The following AGA variants were observed in gnomAD, a reference collection of about 807,000 sequenced individuals.
AGA encodes the protein aspartylglucosaminidase, also known as N(4)-(beta-N-acetylglucosaminyl)-L-asparaginase.
In AGA, 31 loss-of-function variants were observed where a neutral mutation model predicts 40.1. That is an observed-to-expected ratio of 0.77 (90% CI 0.58 to 1.04). The LOEUF is 1.04. Among genes scored for constraint, AGA ranks in the 50% least tolerant of loss-of-function variants. The pLI is 0.00. For synonymous variants in AGA, 148 were observed against 144.0 expected, an observed-to-expected ratio of 1.03 and a Z score of -0.20; for missense variants, 445 against 435.4, an observed-to-expected ratio of 1.02 and a Z score of -0.20.
intron 2 of AGA, 111 bp from the exon 3 acceptor site, chr4:177,439,799 T>A: frequency 1.2e-6 from 1 of 831,918 alleles, no homozygotes; most frequent in Non-Finnish European, 2.1e-6. Flanking sequence ...TCCACCATCT[T>A]AACACAGAAG....
At chr4:177,434,163 T>G (rs1489869823) in intron 7 of AGA, among the ~76,000 whole-genome samples, 1 of 151,870 alleles carries the variant, frequency 6.6e-6, no homozygotes, top group Non-Finnish European at 1.5e-5. Flanking sequence ...CCAGCTAAAT[T>G]TTTTGTATTT....
chr4:177,431,490 C>T lies in AGA; in HGVS notation c.*218G>A, dbSNP rs1312774426. On this transcript the variant is annotated 3_prime_UTR_variant, in exon 9 of 9. Transcript: ENST00000264595. ...CTTAAATATATACAAAATACAGCCACATACATATTCATCTTCAGATAATAT... is the reference window on the plus strand; with the variant it reads ...CTTAAATATATACAAAATACAGCCATATACATATTCATCTTCAGATAATAT... The T allele has an allele frequency of 3.3e-6, 2 of 602,608 alleles. No homozygotes were observed. Among genetic ancestry groups the T allele is most frequent in the South Asian group, 1.7e-5 (1 of 58,802 alleles). The allele number at this position is 602,608 out of a possible 1,614,324, so 37.3% of individuals were successfully genotyped here.
In AGA at chr4:177,440,425, C is replaced by A; in HGVS notation, c.129G>T (p.Ala43=). The change falls in exon 2 of 9, where the codon GCG becomes GCT. Residue 43 remains alanine (A), a splice_region_variant and synonymous_variant. Transcript: ENST00000264595. ...TWPFKNATEA[A]WRALASGGSA... ...AGCCTCCAGATGCTAATGCCCTCCA[C>A]GCTGTTAATCAAATCCCAATAATGC... 1 of 1,613,754 alleles carries A rather than the reference C, an allele frequency of 6.2e-7. No individual in the cohort carries two copies. Among genetic ancestry groups the A allele is most frequent in the South Asian group, 1.1e-5 (1 of 91,078 alleles).
At position 177,439,676 on chromosome 4, in the gene AGA, A is replaced by G; in HGVS notation, c.294T>C (p.Asp98=). ...GTCTGAGATCTCCTACTGCTCCTACATCCATAGTAGTGCTGCAAGAAAATA... is the reference window on the plus strand; with the variant it reads ...GTCTGAGATCTCCTACTGCTCCTACGTCCATAGTAGTGCTGCAAGAAAATA... ...DAMIMDGTTM[D]VGAVGDLRRI... Residue 98 remains aspartate (D), a synonymous_variant, in exon 3 of 9, where the codon GAT becomes GAC. Transcript: ENST00000264595. 3.1e-6 allele frequency: 5 copies of G among 1,608,708 alleles called. No homozygotes were observed. The highest frequency in any genetic ancestry group is 2.7e-5 in the African/African-American group (2 of 74,872).
At chr4:177,433,902 T>C (rs143878774) in intron 7 of AGA, among the ~76,000 whole-genome samples, 3 of 151,250 alleles carry the variant, frequency 2.0e-5, no homozygotes, top group African/African-American at 7.3e-5. Flanking sequence ...ATGATTATCA[T>C]TATCAAAATG....
intron 1 of AGA, among the ~76,000 whole-genome samples, chr4:177,440,670 ACTAATAT>A: frequency 6.7e-6 from 1 of 149,070 alleles, no homozygotes; most frequent in Non-Finnish European, 1.5e-5. Flanking sequence ...TTTTTCACTT[ACTAATAT>A]CTATCTCTTC....
intron 3 of AGA, among the ~76,000 whole-genome samples, chr4:177,439,362 CAA>C (rs1736919861): frequency 6.6e-6 from 1 of 152,136 alleles, no homozygotes; most frequent in Non-Finnish European, 1.5e-5. Flanking sequence ...GCCTGGGTGA[CAA>C]GAGCGAAACT....
rs376176025 is a variant in AGA at position 177,442,353 on chromosome 4, G to A, written c.23C>T (p.Pro8Leu). 4.3e-6 allele frequency: 7 copies of A among 1,614,118 alleles called. No individual in the cohort carries two copies. Among genetic ancestry groups the A allele is most frequent in the African/African-American group, 1.3e-5 (1 of 75,066 alleles). The change falls in exon 1 of 9, where the codon CCT becomes CTT. Residue 8 changes from proline (P) to leucine (L), a missense_variant. By Grantham distance (98) the Pro-to-Leu change is moderately conservative (BLOSUM62 -3). Coordinates refer to ENST00000264595, the MANE Select transcript of AGA (RefSeq NM_000027.4). ...GAGCAGAAACGGCACGAGAAGCACA[G>A]GCAAGTTCGACTTCCGCGCCATCCC... MARKSNL[P>L]VLLVPFLLCQ... is the part of the protein sequence containing the mutation.
chr4:177,442,215 G>T (rs755452484), intron 1 of AGA, 34 bp downstream of exon 1: 1 of 1,611,348 alleles, frequency 6.2e-7, no homozygotes, highest in Non-Finnish European at 8.5e-7. Context: ...AAGCTCTCGC[G>T]GCGCAGCCGC....
At chr4:177,437,200 T>C (rs567655228) in intron 5 of AGA, 7 of 533,070 alleles carry the variant, frequency 1.3e-5, no homozygotes, top group South Asian at 7.3e-5. Context: ...CGCAAGTGAA[T>C]AGTCATTGGG....
Position 177,442,287 on chromosome 4 carries a change from A to C in AGA, c.89T>G (p.Val30Gly). 1 of 1,614,048 alleles carries C rather than the reference A, an allele frequency of 6.2e-7. No homozygotes were observed. Among genetic ancestry groups the C allele is most frequent in the Non-Finnish European group, 8.5e-7 (1 of 1,179,940 alleles). The change falls in exon 1 of 9, where the codon GTC (valine) becomes GGC (glycine). Residue 30 changes from valine to glycine, a missense_variant. Coordinates refer to ENST00000264595, the MANE Select transcript of AGA (RefSeq NM_000027.4). ...LVRCSSPLPLVVNTWPFKNAT... is the reference protein window; with the variant it reads ...LVRCSSPLPLGVNTWPFKNAT... ...ATTCTTAAAGGGCCAAGTGTTGACGACCAGGGGCAGAGGGCTGGAGCAGCG... is the reference window on the plus strand; with the variant it reads ...ATTCTTAAAGGGCCAAGTGTTGACGCCCAGGGGCAGAGGGCTGGAGCAGCG...
At chr4:177,438,697 C>T (rs1202545269) in intron 4 of AGA, 48 bp downstream of exon 4, 2 of 1,275,558 alleles carry the variant, frequency 1.6e-6, no homozygotes, top group African/African-American at 3.0e-5. Context: ...AAGGATGTCA[C>T]TGAATATTTT....
intron 4 of AGA, 46 bp from the exon 5 acceptor site, chr4:177,437,565 G>C: frequency 2.9e-6 from 4 of 1,391,340 alleles, no homozygotes; most frequent in Non-Finnish European, 4.1e-6. Context: ...GGTATTTTTA[G>C]AAATTGCCAA....
Position 177,433,254 on chromosome 4 carries a change from G to T in AGA, c.900C>A (p.Phe300Leu), listed in dbSNP as rs2111006859. 1.2e-6 allele frequency: 2 copies of T among 1,614,104 alleles called. No homozygotes were observed. Among genetic ancestry groups the T allele is most frequent in the Non-Finnish European group, 1.7e-6 (2 of 1,179,986 alleles). ...CATTGGCACATATAACAGCCCCAAA[G>T]AATTCTGGAAAATGCTTCTGGATTC... is the stretch of plus-strand genomic sequence containing the variant. ...ISRIQKHFPE[F>L]FGAVICANVT... The change falls in exon 8 of 9, where the codon TTC (phenylalanine) becomes TTA (leucine). Residue 300 changes from phenylalanine to leucine, a missense_variant. Transcript: ENST00000264595.
chr4:177,435,775 G>A (rs1413297843), intron 6 of AGA, among the ~76,000 whole-genome samples: 2 of 149,792 alleles, frequency 1.3e-5, no homozygotes, highest in African/African-American at 2.5e-5. Flanking sequence ...ACACCAGTGG[G>A]AGCCCTGAGC....
intron 2 of AGA, 160 bp downstream of exon 2, chr4:177,440,113 T>C (rs948519342): frequency 2.4e-6 from 2 of 827,776 alleles, no homozygotes; most frequent in Admixed American, 2.3e-5. Context: ...TGATTTTTTT[T>C]TTTCAGTTGA....
chr4:177,440,313 C>T lies in AGA; in HGVS notation c.241G>A (p.Glu81Lys). The change falls in exon 2 of 9, where the codon GAA (glutamate) becomes AAA (lysine). Residue 81 changes from glutamate (E) to lysine (K), a missense_variant. By Grantham distance (56) the Glu-to-Lys change is moderately conservative. Transcript: ENST00000264595. ...GSVGFGGSPD[E>K]LGETTLDAMI... ...GCATCTAGTGTGGTTTCTCCAAGTT[C>T]ATCAGGACTTCCTCCAAAGCCTACA... The T allele has an allele frequency of 6.2e-7, 1 of 1,614,036 alleles. No individual in the cohort carries two copies. Among genetic ancestry groups the T allele is most frequent in the Non-Finnish European group, 8.5e-7 (1 of 1,180,022 alleles).
intron 4 of AGA, 125 bp from the exon 5 acceptor site, chr4:177,437,644 A>T: frequency 4.4e-6 from 3 of 683,346 alleles, no homozygotes; most frequent in Non-Finnish European, 5.2e-6. Flanking sequence ...TAAAGATAAG[A>T]ATTAAAAGCT....
At chr4:177,440,112 T>C in intron 2 of AGA, 161 bp downstream of exon 2, 1 of 815,654 alleles carries the variant, frequency 1.2e-6, no homozygotes, top group Non-Finnish European at 2.0e-6. Context: ...CTGATTTTTT[T>C]TTTTCAGTTG....
Sources: gnomAD v4.1 joint callset for allele counts (sites outside exome capture counted in the v4.1 genomes callset) on GRCh38, gnomAD v4.1.1 for gene constraint, MANE v1.5 for transcripts, NCBI Gene and HGNC (gene_info 2026-07-23, HGNC 2026-07-21) for gene names.